USP13: variants seen among roughly 807,000 people sequenced by gnomAD.
The protein encoded by USP13 is ubiquitin specific peptidase 13.
Under a neutral mutation model 107.8 loss-of-function variants are expected in USP13, and 68 were observed. The ratio of observed to expected loss-of-function variants is 0.63; its 90% CI spans 0.52 to 0.77. The LOEUF (loss-of-function observed/expected upper bound fraction) is 0.77, where lower values mean the gene tolerates loss of function less well. USP13 is among the 30% of genes least tolerant of loss of function. USP13 has a pLI of 0.00. For missense variants in USP13, 945 were observed against 1,093.3 expected (o/e 0.86, Z 1.91); for synonymous variants, 377 against 389.5 (o/e 0.97, Z 0.38).
intron 6 of USP13, among the ~76,000 whole-genome samples, chr3:179,714,033 C>G (rs377673447): frequency 9.2e-5 from 14 of 152,300 alleles, no homozygotes; most frequent in African/African-American, 3.4e-4. Flanking sequence ...GATCACTACA[C>G]AAACAAACAA....
intron 1 of USP13, among the ~76,000 whole-genome samples, chr3:179,665,225 A>G (rs995198486): frequency 3.3e-5 from 5 of 152,212 alleles, no homozygotes; most frequent in Non-Finnish European, 2.9e-5. Flanking sequence ...TGGGAGGGAA[A>G]CAGAGGACCA....
In USP13 at chr3:179,781,876, A is replaced by G. The variant is rs541268533; in HGVS notation, c.2498+53A>G. ...AGCTGTGATTTATTGAGTACCTACT[A>G]TATGCCAGGCACTCTCCTAGGTACA... On this transcript the variant is annotated intron_variant, in intron 20 of 20. Coordinates refer to ENST00000263966, the MANE Select transcript of USP13 (RefSeq NM_003940.3). The G allele has an allele frequency of 5.5e-6, 8 of 1,463,882 alleles. No individual in the cohort carries two copies. The Admixed American group carries it at 8.4e-5, about 15-fold the overall frequency. The allele number at this position is 1,463,882 out of a possible 1,614,324, so 90.7% of individuals were successfully genotyped here. A position where few individuals can be genotyped will look rare whatever the true frequency, so the allele number is the denominator to read the frequency against.
At chr3:179,756,151 G>A (rs1327110242) in intron 15 of USP13, among the ~76,000 whole-genome samples, 5 of 152,268 alleles carry the variant, frequency 3.3e-5, no homozygotes, top group African/African-American at 4.8e-5. Context: ...AGGGCCAGGC[G>A]CGGTGGCTCA....
Position 179,754,822 on chromosome 3 carries a change from GC to G in USP13, c.1896del (p.Ile633Ter), listed in dbSNP as rs780272979. ...GGAGAGGAAGAACTTCCAGACATCA[GC>G]CCCCCCATAGTCATTCCTGATGACT... is the stretch of plus-strand genomic sequence containing the variant. ...QPGEEELPDI[S>X]PPIVIPDDSK... On this transcript the variant is annotated frameshift_variant, in exon 15 of 21. Transcript: ENST00000263966. LOFTEE classifies it high-confidence loss of function. The G allele has an allele frequency of 2.5e-6, 4 of 1,612,286 alleles. No individual in the cohort carries two copies. Among genetic ancestry groups the G allele is most frequent in the East Asian group, 2.2e-5 (1 of 44,852 alleles).
At chr3:179,698,046 T>G (rs1258330303) in intron 3 of USP13, among the ~76,000 whole-genome samples, 1 of 152,186 alleles carries the variant, frequency 6.6e-6, no homozygotes, top group East Asian at 1.9e-4. Flanking sequence ...GTTGTTGACT[T>G]CCTGAAGTCC....
chr3:179,740,077 GCA>G (rs1455525096), intron 10 of USP13, among the ~76,000 whole-genome samples, 168 bp from the exon 11 acceptor site: 2 of 152,070 alleles, frequency 1.3e-5, no homozygotes, highest in Non-Finnish European at 2.9e-5. Context: ...GCAGGGCCTG[GCA>G]CATAGTAAAC....
intron 3 of USP13, among the ~76,000 whole-genome samples, chr3:179,698,564 G>A (rs1339083845): frequency 6.6e-6 from 1 of 151,136 alleles, no homozygotes; most frequent in Non-Finnish European, 1.5e-5. Context: ...CATGTTTTCT[G>A]TGGAAAGGAG....
At chr3:179,754,147 G>C (rs972388494) in intron 14 of USP13, among the ~76,000 whole-genome samples, 8 of 152,120 alleles carry the variant, frequency 5.3e-5, no homozygotes, top group Non-Finnish European at 8.8e-5. Context: ...TAGCTATCTT[G>C]GTCTTGCTTG....
chr3:179,739,366 C>T (rs937884675), intron 10 of USP13, among the ~76,000 whole-genome samples: 3 of 152,206 alleles, frequency 2.0e-5, no homozygotes, highest in African/African-American at 4.8e-5. Flanking sequence ...TCCTGGAACT[C>T]CCTGTGCTCT....
chr3:179,677,482 A>G (rs1318970380), intron 1 of USP13, among the ~76,000 whole-genome samples: 4 of 152,048 alleles, frequency 2.6e-5, no homozygotes, highest in African/African-American at 9.7e-5. Flanking sequence ...TGGGAGGCTG[A>G]GGCAGGAGAA....
chr3:179,758,360 C>T (rs76847857), intron 16 of USP13, among the ~76,000 whole-genome samples: 2 of 152,114 alleles, frequency 1.3e-5, no homozygotes, highest in African/African-American at 2.4e-5. Context: ...CTGCCTCTGA[C>T]GGTGAGAGCA....
intron 2 of USP13, among the ~76,000 whole-genome samples, chr3:179,687,574 G>A (rs907339638): frequency 1.3e-5 from 2 of 148,334 alleles, no homozygotes; most frequent in African/African-American, 5.0e-5. Context: ...CAGGAGAATC[G>A]CTTGGACCTG....
intron 5 of USP13, among the ~76,000 whole-genome samples, 186 bp downstream of exon 5, chr3:179,707,262 A>G (rs1249909626): frequency 6.6e-6 from 1 of 152,210 alleles, no homozygotes; most frequent in African/African-American, 2.4e-5. Context: ...TGCCCAGTCC[A>G]TACCCCTAAG....
Position 179,784,249 on chromosome 3 carries a change from G to T in USP13, c.*108G>T. The T allele has an allele frequency of 1.2e-6, 1 of 801,638 alleles. No individual in the cohort carries two copies. Among genetic ancestry groups the T allele is most frequent in the Non-Finnish European group, 2.0e-6 (1 of 499,990 alleles). 49.7% of individuals were successfully genotyped at this position (801,638 alleles called of 1,614,324 possible). A position where few individuals can be genotyped will look rare whatever the true frequency, so the allele number is the denominator to read the frequency against. ...CAACTAGACATGAAGGAATATATGGGGTATTTATCGTTTATTTAAAGAGCA... is the reference window on the plus strand; with the variant it reads ...CAACTAGACATGAAGGAATATATGGTGTATTTATCGTTTATTTAAAGAGCA... On this transcript the variant is annotated 3_prime_UTR_variant, in exon 21 of 21. Transcript: ENST00000263966.
chr3:179,740,436 A>G (rs1034656251), intron 11 of USP13, 64 bp downstream of exon 11: 1 of 1,605,538 alleles, frequency 6.2e-7, no homozygotes. Flanking sequence ...CACTCAGTGC[A>G]GTCTGCTGTG....
chr3:179,774,132 T>G (rs1008302360), intron 19 of USP13, among the ~76,000 whole-genome samples: 1 of 152,148 alleles, frequency 6.6e-6, no homozygotes, highest in East Asian at 1.9e-4. Flanking sequence ...GCGTGTCACG[T>G]GGCAAGAGAG....
intron 6 of USP13, among the ~76,000 whole-genome samples, chr3:179,709,528 C>A (rs905499763): frequency 6.6e-5 from 10 of 152,230 alleles, no homozygotes; most frequent in African/African-American, 2.4e-4. Context: ...CTTGCACTGT[C>A]AGCTTCAGAG....
chr3:179,718,314 C>T (rs1713179269), intron 6 of USP13, among the ~76,000 whole-genome samples: 3 of 145,304 alleles, frequency 2.1e-5, no homozygotes, highest in South Asian at 4.3e-4. Context: ...TTTTTGGAGA[C>T]AGGGTCCTGC....
chr3:179,777,718 TG>T (rs1715597881), intron 19 of USP13, among the ~76,000 whole-genome samples: 1 of 152,170 alleles, frequency 6.6e-6, no homozygotes, highest in African/African-American at 2.4e-5. Flanking sequence ...CCCAAAGTGC[TG>T]AGATTACAGG....
Sources: gnomAD v4.1 joint callset for allele counts (sites outside exome capture counted in the v4.1 genomes callset) on GRCh38, gnomAD v4.1.1 for gene constraint, MANE v1.5 for transcripts, NCBI Gene and HGNC (gene_info 2026-07-23, HGNC 2026-07-21) for gene names.